Variants in GOLGA8H observed in about 807,000 individuals in gnomAD.
GOLGA8H encodes the protein golgin A8 family member H.
Under a neutral mutation model 82.7 loss-of-function variants are expected in GOLGA8H, and 47 were observed. The observed-to-expected ratio is 0.57, with a 90% CI of 0.45 to 0.73. The LOEUF is 0.73. Among genes scored for constraint, GOLGA8H ranks in the 30% least tolerant of loss-of-function variants. The pLI is 0.00. For synonymous variants in GOLGA8H, 108 were observed against 241.6 expected, an observed-to-expected ratio of 0.45 and a Z score of 5.13; for missense variants, 372 against 661.0, an observed-to-expected ratio of 0.56 and a Z score of 4.79.
Position 30,615,433 on chromosome 15 carries a change from C to G in GOLGA8H, c.*872C>G, listed in dbSNP as rs897219819. On this transcript the variant is annotated 3_prime_UTR_variant, in exon 19 of 19. Coordinates refer to ENST00000566740, the MANE Select transcript of GOLGA8H (RefSeq NM_001282490.2). ...ATCATTGACTGTGGATGTGGAAATC[C>G]TTTCCTAGCTTAGAGCATTTGTATC... Among the ~76,000 whole-genome samples, 4 of 151,834 alleles carry G rather than the reference C, an allele frequency of 2.6e-5. No individual in the cohort carries two copies. Among genetic ancestry groups the G allele is most frequent in the African/African-American group, 4.8e-5 (2 of 41,324 alleles).
At chr15:30,609,956 G>C in intron 9 of GOLGA8H, 43 bp from the exon 10 acceptor site, 1 of 1,603,290 alleles carries the variant, frequency 6.2e-7, no homozygotes, top group Non-Finnish European at 8.5e-7. Flanking sequence ...AGCAGGTGAG[G>C]ACCAGTGACA....
chr15:30,610,188 C>T, intron 10 of GOLGA8H, 82 bp downstream of exon 10: 1 of 1,579,118 alleles, frequency 6.3e-7, no homozygotes, highest in Admixed American at 1.7e-5. Context: ...AATAGTAGAG[C>T]CAGAGGTGGT....
At chr15:30,605,798 G>A (rs1467037693) in intron 1 of GOLGA8H, 45 bp from the exon 2 acceptor site, 3 of 1,589,712 alleles carry the variant, frequency 1.9e-6, no homozygotes, top group Non-Finnish European at 1.7e-6. Context: ...TGTGGCTGCA[G>A]GGGCTGACGG....
chr15:30,607,674 A>G (rs2059943189), intron 4 of GOLGA8H: 1 of 536,456 alleles, frequency 1.9e-6, no homozygotes, highest in African/African-American at 1.9e-5. Flanking sequence ...TGCTGTAAAG[A>G]ACCGTACCTG....
Position 30,615,456 on chromosome 15 carries a change from A to G in GOLGA8H, c.*895A>G, listed in dbSNP as rs1048838201. Reference sequence around the variant, plus strand: ...TCCTTTCCTAGCTTAGAGCATTTGTATCTACAATACATTTTAAAGTCAGAG... The same window carrying G: ...TCCTTTCCTAGCTTAGAGCATTTGTGTCTACAATACATTTTAAAGTCAGAG... On this transcript the variant is annotated 3_prime_UTR_variant, in exon 19 of 19. Coordinates refer to ENST00000566740, the MANE Select transcript of GOLGA8H (RefSeq NM_001282490.2). Among the ~76,000 whole-genome samples, 6 of 151,804 alleles carry G rather than the reference A, an allele frequency of 4.0e-5. No homozygotes were observed. Among genetic ancestry groups the G allele is most frequent in the Admixed American group, 3.9e-4 (6 of 15,208 alleles).
At position 30,610,544 on chromosome 15, in the gene GOLGA8H, AGTCTCAGT is replaced by A. The variant is rs1222879106; in HGVS notation, c.874+167_874+174del. 1.1e-4 allele frequency among the ~76,000 whole-genome samples: 17 copies of A among 148,920 alleles called. No individual in the cohort carries two copies. The East Asian group carries it at 3.4e-3, about 30-fold the overall frequency. The stretch of plus-strand genomic sequence containing the variant: ...GACGGCGAGTCTTGTCATCTCAATG[AGTCTCAGT>A]GTCTCAGTGTCCCCATCAGGAAAGA... On this transcript the variant is annotated intron_variant, in intron 11 of 18. Coordinates refer to ENST00000566740, the MANE Select transcript of GOLGA8H (RefSeq NM_001282490.2).
At chr15:30,609,054 T>A (rs2059974193) in intron 8 of GOLGA8H, among the ~76,000 whole-genome samples, 1 of 129,024 alleles carries the variant, frequency 7.8e-6, no homozygotes, top group Admixed American at 7.5e-5. Flanking sequence ...GTACTTCTAC[T>A]GTGAAGGTAC....
At chr15:30,607,710 A>G (rs1047254206) in intron 4 of GOLGA8H, 8 of 586,292 alleles carry the variant, frequency 1.4e-5, no homozygotes, top group East Asian at 6.0e-5. Context: ...GTAAATGTTT[A>G]TTGAATGAAC....
rs531693886 is a variant in GOLGA8H, at chr15:30,605,808, G to T, written c.49-35G>T. On this transcript the variant is annotated intron_variant, in intron 1 of 18. Transcript: ENST00000566740. The stretch of plus-strand genomic sequence containing the variant: ...GAGGATGTGGCTGCAGGGGCTGACG[G>T]TTCTCATGAGTATTACTGCTCTTCT... 240 of 1,590,616 alleles carry T rather than the reference G, an allele frequency of 1.5e-4. No individual in the cohort carries two copies. The South Asian group carries it at 2.5e-3, about 17-fold the overall frequency.
intron 13 of GOLGA8H, 51 bp from the exon 14 acceptor site, chr15:30,612,546 G>T (rs2060037805): frequency 1.9e-6 from 3 of 1,576,842 alleles, no homozygotes; most frequent in South Asian, 2.2e-5. Flanking sequence ...GGGCTGTGAG[G>T]GGGACGACCT....
At position 30,615,698 on chromosome 15, in the gene GOLGA8H, A is replaced by AG. The variant is rs953097833; in HGVS notation, c.*1139dup. ...CCTCTCTGTTCACGGAGATTCTTTG[A>AG]GGCTTGAAGATTGATTTTACCATCT... On this transcript the variant is annotated 3_prime_UTR_variant, in exon 19 of 19. Transcript: ENST00000566740. 1.4e-4 allele frequency among the ~76,000 whole-genome samples: 20 copies of AG among 139,378 alleles called. No individual in the cohort carries two copies. The highest frequency in any genetic ancestry group is 2.5e-4 in the Non-Finnish European group (16 of 64,592). 91.4% of individuals were successfully genotyped at this position (139,378 alleles called of 152,430 possible).
In GOLGA8H at chr15:30,613,329, C is replaced by A. The variant is rs1450412301; in HGVS notation, c.1368+134C>A. On this transcript the variant is annotated intron_variant, in intron 15 of 18. Transcript: ENST00000566740. ...CCTTCCGAGAGCCAGTGGTCAGACT[C>A]CATTTCACCTGTGGCCAACAGGTGC... 1.9e-5 allele frequency: 14 copies of A among 749,480 alleles called. 2 individuals carry two copies. The highest frequency in any genetic ancestry group is 3.5e-5 in the African/African-American group (1 of 28,726). 46.4% of individuals were successfully genotyped at this position (749,480 alleles called of 1,614,324 possible). A position where few individuals can be genotyped will look rare whatever the true frequency, so the allele number is the denominator to read the frequency against.
chr15:30,610,583 C>T (rs535865001), intron 11 of GOLGA8H, among the ~76,000 whole-genome samples, 183 bp from the exon 12 acceptor site: 16 of 150,470 alleles, frequency 1.1e-4, no homozygotes, highest in Admixed American at 3.3e-4. Context: ...AAAGAGGGCC[C>T]GTTGCCAGCC....
chr15:30,609,784 C>G (rs766188834), intron 8 of GOLGA8H, 22 bp from the exon 9 acceptor site: 4 of 1,521,210 alleles, frequency 2.6e-6, no homozygotes, highest in South Asian at 1.1e-5. Context: ...CAGATTGAAA[C>G]TTCTCACTCT....
At chr15:30,605,794 T>C in intron 1 of GOLGA8H, 49 bp from the exon 2 acceptor site, 2 of 1,588,898 alleles carry the variant, frequency 1.3e-6, no homozygotes, top group Non-Finnish European at 1.7e-6. Flanking sequence ...AGGATGTGGC[T>C]GCAGGGGCTG....
In GOLGA8H at chr15:30,610,102, A is replaced by G; in HGVS notation, c.782A>G (p.Gln261Arg). The change falls in exon 10 of 19, where the codon CAG (glutamine) becomes CGG (arginine). Residue 261 changes from glutamine to arginine, a missense_variant. Transcript: ENST00000566740. ...RWQQRMRKMS[Q>R]EICTLKKEKQ... ...CAGCAGAGGATGAGAAAAATGTCGC[A>G]GGAGGTGAGATCTCACCCTTCAGCC... The G allele has an allele frequency of 1.2e-6, 2 of 1,610,964 alleles. No individual in the cohort carries two copies.
chr15:30,611,114 A>C, intron 12 of GOLGA8H, 92 bp downstream of exon 12: 24 of 611,348 alleles, frequency 3.9e-5, no homozygotes, highest in South Asian at 3.8e-4. Flanking sequence ...TAGCCCTCAC[A>C]TGAAATGTTA....
At position 30,616,163 on chromosome 15, in the gene GOLGA8H, A is replaced by T. The variant is rs528237012; in HGVS notation, c.*1602A>T. ...TTCAGTTGTATATTGCCTAAATCGT[A>T]ACTTGATGATGCTTGGGAAAGACTC... On this transcript the variant is annotated 3_prime_UTR_variant, in exon 19 of 19. Transcript: ENST00000566740. Among the ~76,000 whole-genome samples the T allele has an allele frequency of 3.9e-5, 6 of 152,032 alleles. No homozygotes were observed. The East Asian group carries it at 1.2e-3, about 30-fold the overall frequency.
chr15:30,610,085 G>C lies in GOLGA8H; in HGVS notation c.765G>C (p.Arg255Ser). 1 of 1,611,064 alleles carries C rather than the reference G, an allele frequency of 6.2e-7. No homozygotes were observed. Among genetic ancestry groups the C allele is most frequent in the Non-Finnish European group, 8.5e-7 (1 of 1,179,702 alleles). Residue 255 changes from arginine (R) to serine (S), a missense_variant, in exon 10 of 19, where the codon AGG becomes AGC. Physicochemically the swap from Arg to Ser is moderately radical, Grantham distance 110. Transcript: ENST00000566740. ...LKGERARWQQ[R>S]MRKMSQEICT... The stretch of plus-strand genomic sequence containing the variant: ...GAGAGAGGGCCCGGTGGCAGCAGAG[G>C]ATGAGAAAAATGTCGCAGGAGGTGA...
Sources: gnomAD v4.1 joint callset for allele counts (sites outside exome capture counted in the v4.1 genomes callset) on GRCh38, gnomAD v4.1.1 for gene constraint, MANE v1.5 for transcripts, NCBI Gene and HGNC (gene_info 2026-07-23, HGNC 2026-07-21) for gene names.